Variants in EEF2K observed in about 807,000 individuals in gnomAD.
The protein encoded by EEF2K is eukaryotic elongation factor 2 kinase.
In EEF2K, 70 loss-of-function variants were observed where a neutral mutation model predicts 93.8. The observed-to-expected ratio is 0.75, with a 90% CI of 0.62 to 0.91. EEF2K has a LOEUF of 0.91. Among genes scored for constraint, EEF2K ranks in the 40% least tolerant of loss-of-function variants. The pLI is 0.00. For missense variants in EEF2K, 935 were observed against 972.9 expected, an observed-to-expected ratio of 0.96 and a Z score of 0.52; for synonymous variants, 376 against 380.8, an observed-to-expected ratio of 0.99 and a Z score of 0.15.
intron 2 of EEF2K, among the ~76,000 whole-genome samples, chr16:22,228,421 A>G (rs2047084742): frequency 6.6e-6 from 1 of 152,206 alleles, no homozygotes; most frequent in Non-Finnish European, 1.5e-5. Context: ...CAGGATTTCG[A>G]GACCAGCCTG....
At chr16:22,236,241 C>T (rs1425119719) in intron 2 of EEF2K, among the ~76,000 whole-genome samples, 1 of 152,156 alleles carries the variant, frequency 6.6e-6, no homozygotes, top group East Asian at 1.9e-4. Flanking sequence ...TGTTCCCCCA[C>T]TTCTTCCCGC....
intron 1 of EEF2K, among the ~76,000 whole-genome samples, chr16:22,217,234 G>T (rs1390078285): frequency 6.7e-6 from 1 of 150,320 alleles, no homozygotes; most frequent in Non-Finnish European, 1.5e-5. Context: ...TAGATAGAGA[G>T]AGAGAGAGAG....
intron 15 of EEF2K, among the ~76,000 whole-genome samples, chr16:22,272,375 C>T (rs554049570): frequency 1.0e-3 from 155 of 152,254 alleles, no homozygotes; most frequent in Non-Finnish European, 1.9e-3. Flanking sequence ...TATTGATATG[C>T]GCTACAACAC....
chr16:22,255,229 A>T (rs1329047572), intron 6 of EEF2K, among the ~76,000 whole-genome samples: 2 of 152,216 alleles, frequency 1.3e-5, no homozygotes, highest in African/African-American at 4.8e-5. Context: ...ACTGTAAGGC[A>T]TAGTCTAAGT....
chr16:22,239,972 G>T (rs1417555435), intron 2 of EEF2K, among the ~76,000 whole-genome samples: 1 of 151,790 alleles, frequency 6.6e-6, no homozygotes, highest in African/African-American at 2.4e-5. Context: ...GCGTGGTGGC[G>T]CAAGCCTGTA....
In EEF2K at chr16:22,287,533, C is replaced by CA. The variant is rs1457593363; in HGVS notation, c.*3538dup. 6.6e-6 allele frequency: 1 copy of CA among 152,166 alleles called. No individual in the cohort carries two copies. The highest frequency in any genetic ancestry group is 1.5e-5 in the Non-Finnish European group (1 of 68,044). The allele number at this position is 152,166 out of a possible 1,614,324, so 9.4% of individuals were successfully genotyped here. On this transcript the variant is annotated 3_prime_UTR_variant, in exon 18 of 18. Transcript: ENST00000263026. ...CCAGCTAGATTTTTTTTCACAGTGTCACTGCTAGCAAGCCACTAAGCTGGA... is the reference window on the plus strand; with the variant it reads ...CCAGCTAGATTTTTTTTCACAGTGTCAACTGCTAGCAAGCCACTAAGCTGGA...
intron 10 of EEF2K, among the ~76,000 whole-genome samples, chr16:22,259,797 G>A (rs1367273537): frequency 1.3e-5 from 2 of 151,986 alleles, no homozygotes; most frequent in African/African-American, 2.4e-5. Flanking sequence ...CTGTCACCCC[G>A]GCTGGAATGC....
At chr16:22,242,542 C>T (rs925778566) in intron 2 of EEF2K, among the ~76,000 whole-genome samples, 8 of 151,790 alleles carry the variant, frequency 5.3e-5, no homozygotes, top group African/African-American at 1.2e-4. Flanking sequence ...GAGCTCCTGA[C>T]CTTGGATGAT....
intron 11 of EEF2K, among the ~76,000 whole-genome samples, chr16:22,261,197 ACC>A (rs2141676547): frequency 6.6e-6 from 1 of 151,296 alleles, no homozygotes; most frequent in African/African-American, 2.4e-5. Context: ...ATATGACAAG[ACC>A]CCCATCTCTA....
intron 1 of EEF2K, among the ~76,000 whole-genome samples, chr16:22,224,691 G>T (rs996902833): frequency 2.6e-5 from 4 of 151,492 alleles, no homozygotes; most frequent in Admixed American, 1.3e-4. Flanking sequence ...GGTGGCTCAC[G>T]CCTGTAATCC....
chr16:22,223,262 G>GTTTTTTTTTTTTTTTTTTTTTGTTT (rs58446693), intron 1 of EEF2K, among the ~76,000 whole-genome samples: 4 of 107,476 alleles, frequency 3.7e-5, no homozygotes, highest in African/African-American at 1.4e-4. Flanking sequence ...GTTTTTTTCT[G>GTTTTTTTTTTTTTTTTTTTTTGTTT]TTTTTTTTTT....
intron 11 of EEF2K, 129 bp downstream of exon 11, chr16:22,260,658 A>G (rs1172934667): frequency 1.7e-5 from 19 of 1,121,730 alleles, no homozygotes; most frequent in Non-Finnish European, 2.4e-5. Context: ...AGGGCACAGA[A>G]TGGGGGAATT....
At chr16:22,244,117 T>C (rs2047257086) in intron 2 of EEF2K, among the ~76,000 whole-genome samples, 1 of 151,492 alleles carries the variant, frequency 6.6e-6, no homozygotes, top group Non-Finnish European at 1.5e-5. Flanking sequence ...TAATCTCAGC[T>C]ACTTGGGAGG....
rs1031672889 is a variant in EEF2K, at chr16:22,286,186, C to T, written c.*2190C>T. ...GCCAGTTTTCCTTTTGAAGTTGGAA[C>T]TGATCACCCTTTTGTCATCTGTACC... On this transcript the variant is annotated 3_prime_UTR_variant, in exon 18 of 18. Transcript: ENST00000263026. 1.3e-5 allele frequency: 2 copies of T among 152,142 alleles called. No individual in the cohort carries two copies. Among genetic ancestry groups the T allele is most frequent in the Admixed American group, 1.3e-4 (2 of 15,270 alleles). The allele number at this position is 152,142 out of a possible 1,614,324, so 9.4% of individuals were successfully genotyped here.
At chr16:22,250,729 A>G (rs2047341640) in intron 5 of EEF2K, 38 bp downstream of exon 5, 1 of 1,613,594 alleles carries the variant, frequency 6.2e-7, no homozygotes, top group Admixed American at 1.7e-5. Flanking sequence ...CCCTGCCCAG[A>G]GTCCCCCCAG....
In EEF2K at chr16:22,257,530, C is replaced by T; in HGVS notation, c.902-113C>T. On this transcript the variant is annotated intron_variant, in intron 8 of 17. Coordinates refer to ENST00000263026, the MANE Select transcript of EEF2K (RefSeq NM_013302.5). ...AGATGGGAGCCTGGATGTCTGATGC[C>T]TCCCAGCTTGGCACGTTTTATACCT... The T allele has an allele frequency of 2.6e-6, 4 of 1,548,278 alleles. No individual in the cohort carries two copies. In the South Asian group the frequency reaches 4.9e-5, roughly 19 times the overall value.
intron 12 of EEF2K, 150 bp from the exon 13 acceptor site, chr16:22,264,668 C>T (rs2047499781): frequency 5.9e-6 from 4 of 674,010 alleles, no homozygotes; most frequent in Non-Finnish European, 9.9e-6. Context: ...GTTCCAGTGT[C>T]ACCTGGGAAC....
Position 22,285,704 on chromosome 16 carries a change from A to C in EEF2K, c.*1708A>C, listed in dbSNP as rs1202872813. On this transcript the variant is annotated 3_prime_UTR_variant, in exon 18 of 18. Coordinates refer to ENST00000263026, the MANE Select transcript of EEF2K (RefSeq NM_013302.5). Reference sequence around the variant, plus strand: ...ACTGCTTTGATCAACCCTAAATGCAAAAGCAGCCTATTTTTCTTTGTTTAA... The same window carrying C: ...ACTGCTTTGATCAACCCTAAATGCACAAGCAGCCTATTTTTCTTTGTTTAA... 1.3e-5 allele frequency: 2 copies of C among 152,614 alleles called. No homozygotes were observed. Among genetic ancestry groups the C allele is most frequent in the Non-Finnish European group, 2.9e-5 (2 of 68,050 alleles). 9.5% of individuals were successfully genotyped at this position (152,614 alleles called of 1,614,324 possible).
chr16:22,208,429 A>G (rs1445545191), intron 1 of EEF2K, among the ~76,000 whole-genome samples: 4 of 152,210 alleles, frequency 2.6e-5, no homozygotes, highest in Non-Finnish European at 5.9e-5. Flanking sequence ...AGGCTGAGGC[A>G]GGAGAATCGA....
Sources: allele counts gnomAD v4.1 joint callset (sites outside exome capture counted in the v4.1 genomes callset), GRCh38; gene constraint gnomAD v4.1.1; transcripts MANE v1.5; gene names NCBI Gene and HGNC (gene_info 2026-07-23, HGNC 2026-07-21).